ATP6V1E2: variants seen among roughly 807,000 people sequenced by gnomAD.
ATP6V1E2 encodes ATPase H+ transporting V1 subunit E2.
For missense variants in ATP6V1E2, 308 were observed against 273.3 expected, an observed-to-expected ratio of 1.13 and a Z score of -0.90; for synonymous variants, 121 against 104.2, an observed-to-expected ratio of 1.16 and a Z score of -0.98.
chr2:46,528,891 A>T (rs922869612), intron 4 of ATP6V1E2, among the ~76,000 whole-genome samples: 4 of 152,206 alleles, frequency 2.6e-5, no homozygotes, highest in African/African-American at 9.6e-5. Context: ...GTCTTTCACA[A>T]AGCCCATGGG....
chr2:46,525,222 C>A (rs1019459943), intron 4 of ATP6V1E2, among the ~76,000 whole-genome samples: 5 of 151,710 alleles, frequency 3.3e-5, no homozygotes, highest in African/African-American at 1.2e-4. Flanking sequence ...CGCCTGTAAT[C>A]CCAGTACTTT....
rs926642153 is a variant in ATP6V1E2 at position 46,536,601 on chromosome 2, A to G, written c.-217+10T>C. ...AGTGTTAAAGAATGCCCATCATTTTATCTCCTTACCAGTGACTTCTAAGAA... is the reference window on the plus strand; with the variant it reads ...AGTGTTAAAGAATGCCCATCATTTTGTCTCCTTACCAGTGACTTCTAAGAA... On this transcript the variant is annotated intron_variant, in intron 3 of 4. Coordinates refer to ENST00000522587, the MANE Select transcript of ATP6V1E2 (RefSeq NM_001318063.2). The G allele has an allele frequency of 7.2e-5, 11 of 152,252 alleles. No homozygotes were observed. Among genetic ancestry groups the G allele is most frequent in the African/African-American group, 2.2e-4 (9 of 41,444 alleles). 9.4% of individuals were successfully genotyped at this position (152,252 alleles called of 1,614,324 possible). A position where few individuals can be genotyped will look rare whatever the true frequency, so the allele number is the denominator to read the frequency against.
chr2:46,515,002 A>C (rs559640375), intron 4 of ATP6V1E2, among the ~76,000 whole-genome samples: 33 of 152,274 alleles, frequency 2.2e-4, no homozygotes, highest in Middle Eastern at 3.4e-3. Context: ...TGAAAAAAAA[A>C]CCCTGCTAAT....
intron 4 of ATP6V1E2, among the ~76,000 whole-genome samples, chr2:46,533,537 G>T (rs1450177659): frequency 1.3e-5 from 2 of 152,158 alleles, no homozygotes; most frequent in African/African-American, 2.4e-5. Context: ...GCCTCCAAAA[G>T]TTCTGGGATT....
chr2:46,511,852 A>G lies in ATP6V1E2; in HGVS notation c.*179T>C, dbSNP rs1452312522. 3.5e-6 allele frequency: 2 copies of G among 564,948 alleles called. No homozygotes were observed. The highest frequency in any genetic ancestry group is 5.9e-6 in the Non-Finnish European group (2 of 337,092). 35.0% of individuals were successfully genotyped at this position (564,948 alleles called of 1,614,324 possible). A position where few individuals can be genotyped will look rare whatever the true frequency, so the allele number is the denominator to read the frequency against. On this transcript the variant is annotated 3_prime_UTR_variant, in exon 5 of 5. Transcript: ENST00000522587. Reference sequence around the variant, plus strand: ...TGGATGAATTGGAATTTGAATTCTGAGCATTAATTTGGGCTTTATTTCAAA... The same window carrying G: ...TGGATGAATTGGAATTTGAATTCTGGGCATTAATTTGGGCTTTATTTCAAA...
intron 4 of ATP6V1E2, among the ~76,000 whole-genome samples, chr2:46,521,449 G>C (rs1319841773): frequency 6.6e-6 from 1 of 152,182 alleles, no homozygotes; most frequent in Non-Finnish European, 1.5e-5. Flanking sequence ...GGTCAGATGT[G>C]TCTGGGTGTG....
intron 4 of ATP6V1E2, among the ~76,000 whole-genome samples, chr2:46,528,637 G>C (rs1449701646): frequency 1.3e-5 from 2 of 152,200 alleles, no homozygotes; most frequent in East Asian, 3.9e-4. Context: ...CAGCCGCTTG[G>C]TGTCACAAGA....
intron 4 of ATP6V1E2, among the ~76,000 whole-genome samples, chr2:46,534,098 G>C (rs1008638985): frequency 3.9e-5 from 6 of 152,104 alleles, no homozygotes; most frequent in African/African-American, 1.4e-4. Context: ...GCTTCTTGGC[G>C]CTATACGTTT....
In ATP6V1E2 at chr2:46,511,903, T is replaced by C. The variant is rs1485541143; in HGVS notation, c.*128A>G. 3 of 809,088 alleles carry C rather than the reference T, an allele frequency of 3.7e-6. No homozygotes were observed. The African/African-American group carries it at 5.3e-5, about 14-fold the overall frequency. The allele number at this position is 809,088 out of a possible 1,614,324, so 50.1% of individuals were successfully genotyped here. On this transcript the variant is annotated 3_prime_UTR_variant, in exon 5 of 5. Transcript: ENST00000522587. Reference sequence around the variant, plus strand: ...GTTAACACTTTAGCTATCCAAAGGGTATTTCGTGAAGAAAAACAGAACAGT... The same window carrying C: ...GTTAACACTTTAGCTATCCAAAGGGCATTTCGTGAAGAAAAACAGAACAGT...
At chr2:46,532,451 A>G (rs1401244300) in intron 4 of ATP6V1E2, among the ~76,000 whole-genome samples, 1 of 151,966 alleles carries the variant, frequency 6.6e-6, no homozygotes, top group Non-Finnish European at 1.5e-5. Flanking sequence ...GTTTTACAAC[A>G]TGCATCTTTA....
At position 46,518,490 on chromosome 2, in the gene ATP6V1E2, AACACACACAC is replaced by A. The variant is rs10546147; in HGVS notation, c.-101-5688_-101-5679del. Among the ~76,000 whole-genome samples the A allele has an allele frequency of 5.9e-3, 828 of 141,010 alleles. 9 individuals are homozygous for A. Among genetic ancestry groups the A allele is most frequent in the East Asian group, 0.028 (133 of 4,826 alleles). The allele number at this position is 141,010 out of a possible 152,430, so 92.5% of individuals were successfully genotyped here. On this transcript the variant is annotated intron_variant, in intron 4 of 4. Coordinates refer to ENST00000522587, the MANE Select transcript of ATP6V1E2 (RefSeq NM_001318063.2). Reference sequence around the variant, plus strand: ...AAACATTTGTTACACACACACACACAACACACACACACACACACACACACACACACACACA... The same window carrying A: ...AAACATTTGTTACACACACACACACAACACACACACACACACACACACACA...
chr2:46,518,761 TGTGTGTGTGTGTGTGTGTGTGTGTG>T (rs1666442981), intron 4 of ATP6V1E2, among the ~76,000 whole-genome samples: 1 of 17,632 alleles, frequency 5.7e-5, no homozygotes, highest in African/African-American at 2.6e-4. Flanking sequence ...GTCAATTTTG[TGTGTGTGTGTGTGTGTGTGTGTGTG>T]TGTGTGTGTG....
At chr2:46,536,452 G>A (rs1424583087) in intron 3 of ATP6V1E2, among the ~76,000 whole-genome samples, 159 bp downstream of exon 3, 4 of 152,234 alleles carry the variant, frequency 2.6e-5, no homozygotes, top group Non-Finnish European at 5.9e-5. Context: ...ATAGGGGTAG[G>A]TAGGGCATGT....
intron 4 of ATP6V1E2, among the ~76,000 whole-genome samples, chr2:46,525,477 G>GA (rs541025098): frequency 0.3 from 38,480 of 126,380 alleles, 6,500 homozygotes; most frequent in East Asian, 0.77. Flanking sequence ...AAAAAAAAAA[G>GA]AAAAAAAAAA....
In ATP6V1E2 at chr2:46,542,366, G is replaced by C. The variant is rs1181801391; in HGVS notation, c.-523C>G. ...TGGAGGTCGTCGTGGTTCCCCGAGA[G>C]GCCTCCACGTCTTCTCCCAGCATCG... On this transcript the variant is annotated 5_prime_UTR_variant, in exon 1 of 5. Transcript: ENST00000522587. 10 of 151,704 alleles carry C rather than the reference G, an allele frequency of 6.6e-5. No individual in the cohort carries two copies. Among genetic ancestry groups the C allele is most frequent in the Admixed American group, 6.6e-4 (10 of 15,262 alleles). 9.4% of individuals were successfully genotyped at this position (151,704 alleles called of 1,614,324 possible).
chr2:46,536,353 G>C (rs1353598082), intron 3 of ATP6V1E2, among the ~76,000 whole-genome samples: 1 of 152,222 alleles, frequency 6.6e-6, no homozygotes, highest in Non-Finnish European at 1.5e-5. Flanking sequence ...AATTGCTGTG[G>C]TGTTTAACTC....
chr2:46,525,385 C>A (rs998086706), intron 4 of ATP6V1E2, among the ~76,000 whole-genome samples: 57 of 149,938 alleles, frequency 3.8e-4, no homozygotes, highest in African/African-American at 1.3e-3. Flanking sequence ...TGGCGTGAAC[C>A]CGGAAGGCGG....
chr2:46,539,872 C>T (rs1012421791), intron 2 of ATP6V1E2, among the ~76,000 whole-genome samples: 3 of 152,238 alleles, frequency 2.0e-5, no homozygotes, highest in Non-Finnish European at 4.4e-5. Flanking sequence ...ATTGCCTCCT[C>T]TGCACCTCCA....
intron 2 of ATP6V1E2, among the ~76,000 whole-genome samples, chr2:46,541,004 A>G (rs1229802561): frequency 1.3e-5 from 2 of 152,198 alleles, no homozygotes; most frequent in African/African-American, 4.8e-5. Context: ...GACATGCTCA[A>G]GGTAACACTG....
Sources: allele counts gnomAD v4.1 joint callset (sites outside exome capture counted in the v4.1 genomes callset), GRCh38; gene constraint gnomAD v4.1.1; transcripts MANE v1.5; gene names NCBI Gene and HGNC (gene_info 2026-07-23, HGNC 2026-07-21).